Variants in EYS observed in about 807,000 individuals in gnomAD.
The protein encoded by EYS is EGF-like photoreceptor maintenance factor, also known as protein eyes shut homolog.
Under a neutral mutation model 282.1 loss-of-function variants are expected in EYS, and 250 were observed. The ratio of observed to expected loss-of-function variants is 0.89; its 90% CI spans 0.80 to 0.98. The LOEUF (loss-of-function observed/expected upper bound fraction) is 0.98. Ranked by LOEUF, EYS falls within the 50% of genes least tolerant of loss-of-function variation. The pLI, the probability that EYS is intolerant of heterozygous loss-of-function variation, is 0.00. For synonymous variants in EYS, 1,355 were observed against 1,282.9 expected (o/e 1.06, Z -1.20); for missense variants, 4,016 against 3,709.0 (o/e 1.08, Z -2.15).
At position 65,313,025 on chromosome 6, in the gene EYS, T is replaced by C. The variant is rs557000411; in HGVS notation, c.1767-16906A>G. Among the ~76,000 whole-genome samples, 288 of 152,260 alleles carry C rather than the reference T, an allele frequency of 1.9e-3. 3 individuals carry two copies. The highest frequency in any genetic ancestry group is 0.015 in the South Asian group (74 of 4,822). On this transcript the variant is annotated intron_variant, in intron 11 of 42. Coordinates refer to ENST00000503581, the MANE Select transcript of EYS (RefSeq NM_001142800.2). ...GAGGTAGTAGAGATCCCCTACTGTTTCGTGGAACACCAGCAACACGGACAC... is the reference window on the plus strand; with the variant it reads ...GAGGTAGTAGAGATCCCCTACTGTTCCGTGGAACACCAGCAACACGGACAC...
At chr6:65,164,797 G>A (rs1764933395) in intron 12 of EYS, among the ~76,000 whole-genome samples, 1 of 151,156 alleles carries the variant, frequency 6.6e-6, no homozygotes, top group African/African-American at 2.4e-5. Context: ...CTGGTGATTT[G>A]CTGGCAATAT....
At chr6:65,413,177 A>T (rs1767092590) in intron 5 of EYS, among the ~76,000 whole-genome samples, 1 of 152,168 alleles carries the variant, frequency 6.6e-6, no homozygotes, top group Non-Finnish European at 1.5e-5. Context: ...CCAAATTAAG[A>T]TATCAGACTT....
At position 65,480,762 on chromosome 6, in the gene EYS, G is replaced by C. The variant is rs1765577855; in HGVS notation, c.862+9832C>G. Among the ~76,000 whole-genome samples, 3 of 152,108 alleles carry C rather than the reference G, an allele frequency of 2.0e-5. No individual in the cohort carries two copies. In the South Asian group the frequency reaches 6.2e-4, roughly 31 times the overall value. On this transcript the variant is annotated intron_variant, in intron 5 of 42. Transcript: ENST00000503581. ...GAAAATGTGGTCTATATACACAATG[G>C]TATACTATTCGGTCATAAAAAGAAT...
chr6:65,554,842 T>C (rs1411848), intron 2 of EYS, among the ~76,000 whole-genome samples: 83,462 of 151,928 alleles, frequency 0.55, 22,953 homozygotes, highest in East Asian at 0.71. Flanking sequence ...GCATACAGTG[T>C]ACCACAATTA....
At chr6:64,672,098 G>T (rs946289689) in intron 22 of EYS, among the ~76,000 whole-genome samples, 1 of 152,088 alleles carries the variant, frequency 6.6e-6, no homozygotes, top group Admixed American at 6.6e-5. Flanking sequence ...AAGTCATTTC[G>T]TAGCTGTGTC....
chr6:65,446,677 A>G (rs1768669653), intron 5 of EYS, among the ~76,000 whole-genome samples: 1 of 151,936 alleles, frequency 6.6e-6, no homozygotes, highest in African/African-American at 2.4e-5. Context: ...AAAGCAAAAC[A>G]TTGTTCTTGA....
intron 33 of EYS, among the ~76,000 whole-genome samples, chr6:64,054,493 G>T (rs560313965): frequency 1.3e-5 from 2 of 152,178 alleles, no homozygotes; most frequent in Non-Finnish European, 2.9e-5. Context: ...GGTGGAAGGA[G>T]CTGAGAAAAA....
intron 31 of EYS, among the ~76,000 whole-genome samples, chr6:64,215,370 A>G (rs1428580766): frequency 6.6e-6 from 1 of 152,094 alleles, no homozygotes; most frequent in African/African-American, 2.4e-5. Flanking sequence ...TACTTGATTT[A>G]CAAAAGAAGC....
intron 22 of EYS, chr6:64,631,195 C>T (rs1055934895): frequency 3.3e-5 from 5 of 152,112 alleles, no homozygotes; most frequent in Admixed American, 2.6e-4. Context: ...GAACTCAGAA[C>T]TTAACATTAG....
At chr6:64,842,994 G>T (rs181279503) in intron 19 of EYS, among the ~76,000 whole-genome samples, 13 of 152,190 alleles carry the variant, frequency 8.5e-5, no homozygotes, top group East Asian at 5.8e-4. Context: ...TGTCTCCAGG[G>T]CATGTCATAG....
At chr6:65,222,568 T>C (rs1053487005) in intron 12 of EYS, among the ~76,000 whole-genome samples, 1 of 152,194 alleles carries the variant, frequency 6.6e-6, no homozygotes, top group Non-Finnish European at 1.5e-5. Flanking sequence ...ATTAGTAGCA[T>C]GAGACCAGAT....
intron 10 of EYS, among the ~76,000 whole-genome samples, chr6:65,342,951 CTA>C (rs1158734972): frequency 6.6e-6 from 1 of 150,876 alleles, no homozygotes; most frequent in Non-Finnish European, 1.5e-5. Context: ...TAATATGTAA[CTA>C]TTTTTAATAT....
intron 2 of EYS, among the ~76,000 whole-genome samples, chr6:65,601,424 T>C (rs913772634): frequency 6.6e-6 from 1 of 151,934 alleles, no homozygotes; most frequent in African/African-American, 2.4e-5. Context: ...CAGTCAATTA[T>C]GCTTTTTTTT....
chr6:64,165,075 AT>A (rs907584898), intron 31 of EYS, among the ~76,000 whole-genome samples: 4 of 152,106 alleles, frequency 2.6e-5, no homozygotes, highest in African/African-American at 9.7e-5. Flanking sequence ...TTAGTGAGTT[AT>A]TTTTAGTCAA....
intron 12 of EYS, among the ~76,000 whole-genome samples, chr6:65,256,217 G>T (rs1042253738): frequency 2.7e-5 from 4 of 150,514 alleles, no homozygotes; most frequent in Non-Finnish European, 5.9e-5. Context: ...GAAACTAGAG[G>T]TCATAATGTT....
intron 26 of EYS, among the ~76,000 whole-genome samples, chr6:64,552,472 A>T (rs1765111783): frequency 6.6e-6 from 1 of 152,122 alleles, no homozygotes; most frequent in Non-Finnish European, 1.5e-5. Flanking sequence ...AAACATTTAC[A>T]ATGTCTTCTC....
At chr6:65,326,542 T>C (rs1485871356) in intron 11 of EYS, among the ~76,000 whole-genome samples, 2 of 151,478 alleles carry the variant, frequency 1.3e-5, no homozygotes, top group South Asian at 2.1e-4. Flanking sequence ...CATACTCCTA[T>C]AGTTTTTCTT....
At chr6:64,329,862 C>T (rs868481000) in intron 29 of EYS, among the ~76,000 whole-genome samples, 31 of 152,114 alleles carry the variant, frequency 2.0e-4, no homozygotes, top group Admixed American at 8.5e-4. Flanking sequence ...AATGCTTGGG[C>T]GAATTCCTGC....
chr6:64,450,906 G>C (rs955677422), intron 26 of EYS, among the ~76,000 whole-genome samples: 3 of 152,234 alleles, frequency 2.0e-5, no homozygotes, highest in Middle Eastern at 3.4e-3. Flanking sequence ...GAGAAAGCAG[G>C]AAAGATCTAA....
Sources: gnomAD v4.1 joint callset for allele counts (sites outside exome capture counted in the v4.1 genomes callset) on GRCh38, gnomAD v4.1.1 for gene constraint, MANE v1.5 for transcripts, NCBI Gene and HGNC (gene_info 2026-07-23, HGNC 2026-07-21) for gene names.